The following REEP1 variants were observed in gnomAD, a reference collection of about 807,000 sequenced individuals.
REEP1 encodes the protein receptor accessory protein 1, also known as receptor expression-enhancing protein 1.
A neutral mutation model predicts 40.3 loss-of-function variants in REEP1; 22 were observed. The observed-to-expected ratio is 0.55, with a 90% CI of 0.39 to 0.78. The LOEUF (loss-of-function observed/expected upper bound fraction) is 0.78. Among genes scored for constraint, REEP1 ranks in the 30% least tolerant of loss-of-function variants. The pLI, the probability that REEP1 is intolerant of heterozygous loss-of-function variation, is 0.00. For missense variants in REEP1, 280 were observed against 361.1 expected (o/e 0.78, Z 1.82); for synonymous variants, 116 against 139.2 (o/e 0.83, Z 1.17).
chr2:86,254,602 G>T, intron 4 of REEP1, 92 bp downstream of exon 4: 1 of 1,399,676 alleles, frequency 7.1e-7, no homozygotes, highest in Non-Finnish European at 1.0e-6. Flanking sequence ...AGAGCCAAAT[G>T]AGAAGTCTCC....
At chr2:86,267,320 T>C (rs1374134075) in intron 2 of REEP1, among the ~76,000 whole-genome samples, 1 of 152,160 alleles carries the variant, frequency 6.6e-6, no homozygotes, top group Non-Finnish European at 1.5e-5. Context: ...GGTAGTTTCC[T>C]TTGCTGTCTC....
In REEP1 at chr2:86,296,501, C is replaced by T. The variant is rs182724060; in HGVS notation, c.33-14259G>A. On this transcript the variant is annotated intron_variant, in intron 1 of 8. Transcript: ENST00000538924. The stretch of plus-strand genomic sequence containing the variant: ...ATTTTGATCACATGTATTTGTATTA[C>T]CACAAGTCCTTGGCTTTGCTGAGGA... Among the ~76,000 whole-genome samples, 189 of 152,344 alleles carry T rather than the reference C, an allele frequency of 1.2e-3. 2 individuals are homozygous for T. Among genetic ancestry groups the T allele is most frequent in the African/African-American group, 4.4e-3 (185 of 41,574 alleles).
chr2:86,251,554 C>A, intron 5 of REEP1: 1 of 295,562 alleles, frequency 3.4e-6, no homozygotes, highest in Non-Finnish European at 6.6e-6. Flanking sequence ...AGGCGACTCT[C>A]CCAGTGCACC....
At chr2:86,320,304 A>T (rs1274064746) in intron 1 of REEP1, among the ~76,000 whole-genome samples, 3 of 152,226 alleles carry the variant, frequency 2.0e-5, no homozygotes, top group Non-Finnish European at 4.4e-5. Context: ...TCAAAATTTT[A>T]AAATCTCAAG....
intron 1 of REEP1, among the ~76,000 whole-genome samples, chr2:86,308,511 C>T (rs559571093): frequency 3.5e-4 from 53 of 152,328 alleles, no homozygotes; most frequent in African/African-American, 1.2e-3. Context: ...GCTGAGGTTG[C>T]ACCACTGCAC....
chr2:86,240,773 C>A (rs1246019408), intron 5 of REEP1, among the ~76,000 whole-genome samples: 1 of 152,210 alleles, frequency 6.6e-6, no homozygotes, highest in Non-Finnish European at 1.5e-5. Flanking sequence ...CCACGTGGCA[C>A]ATACCAAGAA....
intron 3 of REEP1, among the ~76,000 whole-genome samples, chr2:86,259,244 C>A (rs1320431486): frequency 2.8e-5 from 4 of 142,664 alleles, no homozygotes; most frequent in African/African-American, 9.8e-5. Flanking sequence ...GAGCCAAGAT[C>A]GCACCACTGC....
intron 1 of REEP1, among the ~76,000 whole-genome samples, chr2:86,283,983 G>A (rs548247610): frequency 6.6e-6 from 1 of 152,256 alleles, no homozygotes; most frequent in South Asian, 2.1e-4. Context: ...CTGGGGGGAT[G>A]AGAGAGTAGT....
rs548553756 is a variant in REEP1, at chr2:86,243,230, G to C, written c.417+8727C>G. On this transcript the variant is annotated intron_variant, in intron 5 of 8. Coordinates refer to ENST00000538924, the MANE Select transcript of REEP1 (RefSeq NM_001371279.1). ...AGGAAAGGAGGGAGGAGGCAAACAT[G>C]AGAGGGGAATCAGAGAGAAGAGGAG... Among the ~76,000 whole-genome samples the C allele has an allele frequency of 5.3e-5, 8 of 152,252 alleles. No individual in the cohort carries two copies. In the South Asian group the frequency reaches 1.7e-3, roughly 32 times the overall value.
At chr2:86,301,086 C>G (rs748792067) in intron 1 of REEP1, among the ~76,000 whole-genome samples, 3 of 152,206 alleles carry the variant, frequency 2.0e-5, no homozygotes, top group Non-Finnish European at 2.9e-5. Flanking sequence ...CGTAAAAAGT[C>G]ACATCACACC....
intron 5 of REEP1, among the ~76,000 whole-genome samples, chr2:86,236,977 G>A (rs920727440): frequency 1.4e-4 from 21 of 152,114 alleles, no homozygotes; most frequent in Non-Finnish European, 2.2e-4. Context: ...CTCGTAATCC[G>A]CCCGCCTTGG....
In REEP1 at chr2:86,217,033, TC is replaced by T; in HGVS notation, c.*5del. On this transcript the variant is annotated 3_prime_UTR_variant, in exon 9 of 9. Coordinates refer to ENST00000538924, the MANE Select transcript of REEP1 (RefSeq NM_001371279.1). ...CTGTGGATCCGGTGCTGTTGGCTCA[TC>T]TCACTCACGTGGTTTCGGTGGCCGA... 6.2e-6 allele frequency: 10 copies of T among 1,612,890 alleles called. No individual in the cohort carries two copies. The highest frequency in any genetic ancestry group is 8.5e-6 in the Non-Finnish European group (10 of 1,178,868).
chr2:86,223,016 A>G (rs1674506120), intron 7 of REEP1, among the ~76,000 whole-genome samples: 1 of 152,230 alleles, frequency 6.6e-6, no homozygotes, highest in Non-Finnish European at 1.5e-5. Context: ...GCTCCCAGAG[A>G]CAATGTGTGT....
intron 1 of REEP1, among the ~76,000 whole-genome samples, chr2:86,332,436 A>AAGACAC (rs1553471434): frequency 7.3e-6 from 1 of 136,230 alleles, no homozygotes; most frequent in South Asian, 2.5e-4. Flanking sequence ...CTTTCCTGGA[A>AAGACAC]ACACACACAC....
At chr2:86,222,389 T>G (rs1674476505) in intron 7 of REEP1, among the ~76,000 whole-genome samples, 1 of 152,144 alleles carries the variant, frequency 6.6e-6, no homozygotes, top group Admixed American at 6.5e-5. Flanking sequence ...CAGAATAGCC[T>G]CAGGAAGAAG....
In REEP1 at chr2:86,232,757, C is replaced by G. The variant is rs1195080939; in HGVS notation, c.463G>C (p.Asp155His). The G allele has an allele frequency of 6.2e-7, 1 of 1,605,958 alleles. No individual in the cohort carries two copies. The highest frequency in any genetic ancestry group is 1.7e-5 in the Admixed American group (1 of 59,998). ...SERLRSFSMQ[D>H]LTTIRGDGAP... ...CCGTCTCCCCTGATGGTGGTGAGGT[C>G]CTGCATGCTGAAGCTCCGCAGTCTC... Residue 155 changes from aspartate to histidine, a missense_variant, in exon 6 of 9, where the codon GAC becomes CAC. By Grantham distance (81) the Asp-to-His change is moderately conservative (BLOSUM62 -1). Coordinates refer to ENST00000538924, the MANE Select transcript of REEP1 (RefSeq NM_001371279.1).
chr2:86,249,618 T>TAA (rs538731885), intron 5 of REEP1, among the ~76,000 whole-genome samples: 2 of 149,098 alleles, frequency 1.3e-5, no homozygotes, highest in African/African-American at 4.9e-5. Context: ...GAGAATCTAT[T>TAA]AAAAAAAAAA....
intron 1 of REEP1, among the ~76,000 whole-genome samples, chr2:86,291,743 C>T (rs932732971): frequency 2.6e-5 from 4 of 152,318 alleles, no homozygotes; most frequent in African/African-American, 7.2e-5. Context: ...ACGTCCCTGG[C>T]CATTCCCCGT....
chr2:86,282,133 C>A (rs766445680), intron 2 of REEP1, 37 bp downstream of exon 2: 2 of 1,472,118 alleles, frequency 1.4e-6, no homozygotes, highest in South Asian at 1.1e-5. Flanking sequence ...TGACCTGACT[C>A]CAGCCAACCC....
Sources: gnomAD v4.1 joint callset for allele counts (sites outside exome capture counted in the v4.1 genomes callset) on GRCh38, gnomAD v4.1.1 for gene constraint, MANE v1.5 for transcripts, NCBI Gene and HGNC (gene_info 2026-07-23, HGNC 2026-07-21) for gene names.